Variants in NFIL3 observed in about 807,000 individuals in gnomAD.
NFIL3 encodes the protein nuclear factor interleukin-3-regulated protein.
In NFIL3, 5 loss-of-function variants were observed where a neutral mutation model predicts 10.0. The ratio of observed to expected loss-of-function variants is 0.50; its 90% CI spans 0.26 to 1.06. The LOEUF (loss-of-function observed/expected upper bound fraction) is 1.06. Among genes scored for constraint, NFIL3 ranks in the 50% least tolerant of loss-of-function variants. The pLI is 0.13. For synonymous variants in NFIL3, 202 were observed against 206.5 expected (o/e 0.98, Z 0.19); for missense variants, 436 against 547.6 (o/e 0.80, Z 2.03).
the NFIL3 span, among the ~76,000 whole-genome samples, chr9:91,454,531 T>C: frequency 1.1e-4 from 17 of 152,138 alleles, no homozygotes; most frequent in African/African-American, 3.9e-4. Flanking sequence ...TGTCAATTTT[T>C]ACTTTTTAAA....
At chr9:91,457,461 C>T in the NFIL3 span, among the ~76,000 whole-genome samples, 2 of 151,930 alleles carry the variant, frequency 1.3e-5, no homozygotes, top group Admixed American at 1.3e-4. Context: ...ACATCTTTGT[C>T]AGATTCATTC....
chr9:91,442,077 C>CT, the NFIL3 span, among the ~76,000 whole-genome samples: 1 of 151,888 alleles, frequency 6.6e-6, no homozygotes. Flanking sequence ...AATTATTGTC[C>CT]TTTTTTTTCT....
chr9:91,469,141 G>A, the NFIL3 span, among the ~76,000 whole-genome samples: 7 of 152,152 alleles, frequency 4.6e-5, no homozygotes, highest in African/African-American at 1.2e-4. Flanking sequence ...CCATTTTCAC[G>A]ATATTGAGTC....
the NFIL3 span, among the ~76,000 whole-genome samples, chr9:91,440,638 T>C: frequency 6.6e-6 from 1 of 152,152 alleles, no homozygotes; most frequent in Non-Finnish European, 1.5e-5. Flanking sequence ...TGTAGGTACT[T>C]ATTGCTGTAC....
chr9:91,470,875 G>A, the NFIL3 span, among the ~76,000 whole-genome samples: 3 of 152,190 alleles, frequency 2.0e-5, no homozygotes, highest in Non-Finnish European at 4.4e-5. Flanking sequence ...TTGCACTGTG[G>A]TCTGAGAGAA....
chr9:91,462,447 T>C, the NFIL3 span, among the ~76,000 whole-genome samples: 2 of 152,164 alleles, frequency 1.3e-5, no homozygotes, highest in African/African-American at 4.8e-5. Flanking sequence ...CTGCATCTAT[T>C]AATATGATCA....
rs1454671342 is a variant in NFIL3, at chr9:91,409,177, A to G, written c.*169T>C. 1.3e-5 allele frequency: 8 copies of G among 620,446 alleles called. No individual in the cohort carries two copies. Among genetic ancestry groups the G allele is most frequent in the Non-Finnish European group, 2.2e-5 (8 of 370,108 alleles). The allele number at this position is 620,446 out of a possible 1,614,324, so 38.4% of individuals were successfully genotyped here. Reference sequence around the variant, plus strand: ...CTATACACAGGCAGAGTGATAACACAATCTAATCTTCATCATAATCTGTGC... The same window carrying G: ...CTATACACAGGCAGAGTGATAACACGATCTAATCTTCATCATAATCTGTGC... On this transcript the variant is annotated 3_prime_UTR_variant, in exon 2 of 2. Coordinates refer to ENST00000297689, the MANE Select transcript of NFIL3 (RefSeq NM_005384.3).
chr9:91,466,165 G>A, the NFIL3 span, among the ~76,000 whole-genome samples: 2,897 of 152,276 alleles, frequency 0.019, 50 homozygotes, highest in Non-Finnish European at 0.024. Flanking sequence ...AGGTAAGGAA[G>A]AGTGTGTTTG....
At chr9:91,472,133 A>G in the NFIL3 span, among the ~76,000 whole-genome samples, 1 of 152,292 alleles carries the variant, frequency 6.6e-6, no homozygotes, top group East Asian at 1.9e-4. Context: ...GGCTGCCCTT[A>G]ACATTTTTTC....
chr9:91,473,200 G>A, the NFIL3 span, among the ~76,000 whole-genome samples: 1 of 152,224 alleles, frequency 6.6e-6, no homozygotes, highest in African/African-American at 2.4e-5. Context: ...TGTTCTCAGA[G>A]CTCAAACTCT....
the NFIL3 span, among the ~76,000 whole-genome samples, chr9:91,447,984 T>C: frequency 6.6e-6 from 1 of 152,252 alleles, no homozygotes; most frequent in Non-Finnish European, 1.5e-5. Context: ...AATTAGGCCA[T>C]TGATCCCTTA....
chr9:91,442,630 G>A, the NFIL3 span, among the ~76,000 whole-genome samples: 1 of 152,158 alleles, frequency 6.6e-6, no homozygotes, highest in East Asian at 1.9e-4. Flanking sequence ...GGCAGCACAG[G>A]CAGCTCCAGG....
the NFIL3 span, among the ~76,000 whole-genome samples, chr9:91,453,887 G>C: frequency 6.6e-6 from 1 of 151,944 alleles, no homozygotes; most frequent in Admixed American, 6.6e-5. Flanking sequence ...ATTAGTTTTT[G>C]ACATGGAAAA....
chr9:91,412,535 A>T (rs1833573047), intron 1 of NFIL3, among the ~76,000 whole-genome samples: 2 of 152,136 alleles, frequency 1.3e-5, no homozygotes, highest in African/African-American at 4.8e-5. Flanking sequence ...GTGGCACTTT[A>T]TTCTACCCTA....
At chr9:91,460,271 C>CTTTTGTTTTTTTTTTTTTT in the NFIL3 span, among the ~76,000 whole-genome samples, 2 of 70,444 alleles carry the variant, frequency 2.8e-5, no homozygotes, top group South Asian at 5.2e-4. Context: ...GGGCTTGGTT[C>CTTTTGTTTTTTTTTTTTTT]TTTTTTTTTT....
At chr9:91,454,789 G>C in the NFIL3 span, among the ~76,000 whole-genome samples, 1 of 152,038 alleles carries the variant, frequency 6.6e-6, no homozygotes, top group African/African-American at 2.4e-5. Context: ...CCGAGATTGT[G>C]CCACTGCACT....
the NFIL3 span, among the ~76,000 whole-genome samples, chr9:91,475,704 G>T: frequency 6.6e-6 from 1 of 152,088 alleles, no homozygotes; most frequent in African/African-American, 2.4e-5. Flanking sequence ...AACAGTGAGA[G>T]AATTCACAAA....
At chr9:91,451,189 T>G in the NFIL3 span, among the ~76,000 whole-genome samples, 1 of 152,180 alleles carries the variant, frequency 6.6e-6, no homozygotes. Context: ...ATTGCATGTT[T>G]CCAATTGCAC....
chr9:91,481,421 T>C, the NFIL3 span, among the ~76,000 whole-genome samples: 4 of 152,166 alleles, frequency 2.6e-5, no homozygotes, highest in Admixed American at 1.3e-4. Context: ...AAAATATGTA[T>C]TTTGAGTCTC....
Sources: gnomAD v4.1 joint callset for allele counts (sites outside exome capture counted in the v4.1 genomes callset) on GRCh38, gnomAD v4.1.1 for gene constraint, MANE v1.5 for transcripts, NCBI Gene and HGNC (gene_info 2026-07-23, HGNC 2026-07-21) for gene names.